Variants in TYW1B observed in about 807,000 individuals in gnomAD.
The protein encoded by TYW1B is S-adenosyl-L-methionine-dependent tRNA 4-demethylwyosine synthase TYW1B.
In TYW1B, 73 loss-of-function variants were observed where a neutral mutation model predicts 86.9. That is an observed-to-expected ratio of 0.84 (90% CI 0.70 to 1.02). The LOEUF is 1.02. Among genes scored for constraint, TYW1B ranks in the 50% least tolerant of loss-of-function variants. The probability of loss-of-function intolerance (pLI) is 0.00; values close to 1 mark genes in which losing one functional copy is unlikely to be tolerated. For synonymous variants in TYW1B, 248 were observed against 292.8 expected, an observed-to-expected ratio of 0.85 and a Z score of 1.56; for missense variants, 637 against 827.4, an observed-to-expected ratio of 0.77 and a Z score of 2.82.
intron 13 of TYW1B, among the ~76,000 whole-genome samples, chr7:72,593,034 G>A (rs1238387334): frequency 6.6e-6 from 1 of 152,074 alleles, no homozygotes; most frequent in Non-Finnish European, 1.5e-5. Context: ...TGGGCACGGT[G>A]GCTCACACCT....
intron 12 of TYW1B, 28 bp from the exon 13 acceptor site, chr7:72,616,867 T>C: frequency 3.1e-6 from 5 of 1,612,990 alleles, no homozygotes; most frequent in Non-Finnish European, 4.2e-6. Flanking sequence ...CCATCAGAGA[T>C]GACTACAGAC....
At chr7:72,759,873 G>A (rs529762184) in intron 7 of TYW1B, among the ~76,000 whole-genome samples, 14 of 152,250 alleles carry the variant, frequency 9.2e-5, no homozygotes, top group African/African-American at 2.9e-4. Context: ...GTATGGTGAT[G>A]AAACACTTAA....
At chr7:72,709,377 C>T (rs1196875613) in intron 10 of TYW1B, among the ~76,000 whole-genome samples, 3 of 152,182 alleles carry the variant, frequency 2.0e-5, no homozygotes, top group East Asian at 3.9e-4. Flanking sequence ...CTTTAAAAAT[C>T]CAAAAGCGTG....
At chr7:72,698,564 T>C (rs1814379852) in intron 10 of TYW1B, among the ~76,000 whole-genome samples, 1 of 149,442 alleles carries the variant, frequency 6.7e-6, no homozygotes, top group African/African-American at 2.5e-5. Flanking sequence ...AAAAATCACT[T>C]AAACCCAGGA....
At chr7:72,734,559 G>A (rs1554460593) in intron 8 of TYW1B, among the ~76,000 whole-genome samples, 1 of 152,102 alleles carries the variant, frequency 6.6e-6, no homozygotes, top group African/African-American at 2.4e-5. Flanking sequence ...ATGATTTTAT[G>A]AATAAAACTT....
In TYW1B at chr7:72,806,089, T is replaced by C. The variant is rs1479190549; in HGVS notation, c.723+977A>G. On this transcript the variant is annotated intron_variant, in intron 5 of 13. Coordinates refer to ENST00000620995, the MANE Select transcript of TYW1B (RefSeq NM_001145440.3). ...AGTCATTGAAGTCAGGAGGTATGTG[T>C]GATCTCAGGATAATGAGACGTGAGC... 2.6e-5 allele frequency among the ~76,000 whole-genome samples: 4 copies of C among 152,050 alleles called. No homozygotes were observed. In the South Asian group the frequency reaches 8.3e-4, roughly 32 times the overall value.
In TYW1B at chr7:72,593,094, C is replaced by A. The variant is rs540116239; in HGVS notation, c.1786-17375G>T. Among the ~76,000 whole-genome samples, 6 of 127,596 alleles carry A rather than the reference C, an allele frequency of 4.7e-5. No individual in the cohort carries two copies. In the East Asian group the frequency reaches 2.5e-3, roughly 53 times the overall value. The allele number at this position is 127,596 out of a possible 152,430, so 83.7% of individuals were successfully genotyped here. ...AAGGCAGGTGGATCACCTGAGGTCCCGAGTTCAAGACCAGCCTGACCAACC... is the reference window on the plus strand; with the variant it reads ...AAGGCAGGTGGATCACCTGAGGTCCAGAGTTCAAGACCAGCCTGACCAACC... On this transcript the variant is annotated intron_variant, in intron 13 of 13. Transcript: ENST00000620995.
intron 9 of TYW1B, among the ~76,000 whole-genome samples, chr7:72,727,827 A>G (rs1231140026): frequency 2.8e-5 from 4 of 145,332 alleles, no homozygotes; most frequent in African/African-American, 5.0e-5. Flanking sequence ...AAAAAAAAAA[A>G]AAAAAAGAAG....
At chr7:72,797,122 T>C (rs1788318634) in intron 6 of TYW1B, among the ~76,000 whole-genome samples, 1 of 152,184 alleles carries the variant, frequency 6.6e-6, no homozygotes, top group South Asian at 2.1e-4. Flanking sequence ...TATCTGGTCT[T>C]TGACCCTGGT....
intron 13 of TYW1B, among the ~76,000 whole-genome samples, chr7:72,582,076 T>C (rs1384880776): frequency 2.3e-5 from 1 of 44,362 alleles, no homozygotes; most frequent in Non-Finnish European, 3.6e-5. Context: ...GCAAAAAAGA[T>C]TTTTTTTTTT....
chr7:72,597,114 A>C (rs1811555405), intron 13 of TYW1B, among the ~76,000 whole-genome samples: 1 of 151,968 alleles, frequency 6.6e-6, no homozygotes, highest in African/African-American at 2.4e-5. Flanking sequence ...CTCCAGATAA[A>C]TATAAGGCAG....
chr7:72,666,329 G>T (rs1554445251), intron 11 of TYW1B, among the ~76,000 whole-genome samples: 1 of 152,138 alleles, frequency 6.6e-6, no homozygotes, highest in South Asian at 2.1e-4. Flanking sequence ...GGGAGGCTGA[G>T]GTGGGAAGAT....
intron 11 of TYW1B, among the ~76,000 whole-genome samples, chr7:72,657,462 TGA>T (rs561469583): frequency 2.3e-4 from 35 of 152,068 alleles, no homozygotes; most frequent in Admixed American, 1.3e-4. Context: ...CTCCAAGTCT[TGA>T]GAGAGAGATA....
Position 72,772,296 on chromosome 7 carries a change from A to G in TYW1B, c.964+5120T>C, listed in dbSNP as rs183971265. ...TGACCAAAAACACACAGAGCCCTGC[A>G]CTCATCAACTACAGAATTTACATTC... On this transcript the variant is annotated intron_variant, in intron 7 of 13. Transcript: ENST00000620995. Among the ~76,000 whole-genome samples, 30 of 152,286 alleles carry G rather than the reference A, an allele frequency of 2.0e-4. 1 individual carries two copies. The highest frequency in any genetic ancestry group is 2.0e-3 in the Admixed American group (30 of 15,272).
At chr7:72,578,771 G>T (rs1231074923) in intron 13 of TYW1B, among the ~76,000 whole-genome samples, 1 of 152,194 alleles carries the variant, frequency 6.6e-6, no homozygotes, top group Non-Finnish European at 1.5e-5. Flanking sequence ...TATGTACAAG[G>T]CACTTGGGGA....
chr7:72,585,527 A>T (rs1811253207), intron 13 of TYW1B, among the ~76,000 whole-genome samples: 1 of 152,170 alleles, frequency 6.6e-6, no homozygotes, highest in Non-Finnish European at 1.5e-5. Context: ...TCTCCACCCA[A>T]ATCTCATCTT....
rs564575639 is a variant in TYW1B, at chr7:72,590,283, T to C, written c.1786-14564A>G. Among the ~76,000 whole-genome samples the C allele has an allele frequency of 4.6e-5, 7 of 152,312 alleles. No homozygotes were observed. The South Asian group carries it at 1.4e-3, about 32-fold the overall frequency. On this transcript the variant is annotated intron_variant, in intron 13 of 13. Transcript: ENST00000620995. ...CCATGGCAGGCAGCTGTGTACATGT[T>C]ATGGGAGCAGCTTGCATGTAGCTTC...
At chr7:72,586,271 C>A (rs1169531282) in intron 13 of TYW1B, among the ~76,000 whole-genome samples, 7 of 152,280 alleles carry the variant, frequency 4.6e-5, no homozygotes, top group East Asian at 1.9e-4. Flanking sequence ...GTGCTGCCAA[C>A]CTTGGAAATG....
intron 10 of TYW1B, among the ~76,000 whole-genome samples, chr7:72,701,548 G>A (rs1252040246): frequency 5.9e-5 from 9 of 152,152 alleles, no homozygotes; most frequent in African/African-American, 2.2e-4. Flanking sequence ...ATAGACATGA[G>A]CCACCACGCC....
Sources: gnomAD v4.1 joint callset for allele counts (sites outside exome capture counted in the v4.1 genomes callset) on GRCh38, gnomAD v4.1.1 for gene constraint, MANE v1.5 for transcripts, NCBI Gene and HGNC (gene_info 2026-07-23, HGNC 2026-07-21) for gene names.